The following RIN3 variants were observed in gnomAD, a reference collection of about 807,000 sequenced individuals.
RIN3 encodes the protein RAB5 interacting protein 3.
A neutral mutation model predicts 76.3 loss-of-function variants in RIN3; 54 were observed. The observed-to-expected ratio is 0.71, with a 90% CI of 0.57 to 0.89. RIN3 has a LOEUF of 0.89. RIN3 is among the 40% of genes least tolerant of loss of function. RIN3 has a pLI of 0.00. For missense variants in RIN3, 1,256 were observed against 1,322.1 expected, an observed-to-expected ratio of 0.95 and a Z score of 0.78; for synonymous variants, 576 against 564.0, an observed-to-expected ratio of 1.02 and a Z score of -0.30.
rs145461449 is a variant in RIN3 at position 92,631,465 on chromosome 14, C to T, written c.441-9773C>T. On this transcript the variant is annotated intron_variant, in intron 4 of 9. Transcript: ENST00000216487. ...CTAATGCAAAGCCTAGGTGGACTGG[C>T]GTAAGGGCTCTAGAGAGGGTTTCCA... 9.5e-4 allele frequency among the ~76,000 whole-genome samples: 144 copies of T among 152,276 alleles called. 3 individuals are homozygous for T. In the East Asian group the frequency reaches 0.022, roughly 24 times the overall value.
chr14:92,676,879 G>A (rs904196294), intron 8 of RIN3, among the ~76,000 whole-genome samples: 13 of 152,140 alleles, frequency 8.5e-5, no homozygotes, highest in Admixed American at 7.9e-4. Context: ...ATGTTACCCA[G>A]ACTGTGCAGT....
chr14:92,660,229 G>A (rs944464119), intron 7 of RIN3, among the ~76,000 whole-genome samples: 3 of 152,244 alleles, frequency 2.0e-5, no homozygotes, highest in African/African-American at 2.4e-5. Flanking sequence ...TGGATCAGGC[G>A]TGCCTGAGCT....
intron 4 of RIN3, among the ~76,000 whole-genome samples, chr14:92,625,609 T>G (rs1318013530): frequency 6.6e-6 from 1 of 152,204 alleles, no homozygotes; most frequent in Non-Finnish European, 1.5e-5. Context: ...AGTGGCCTGC[T>G]CTTCCATATT....
intron 2 of RIN3, among the ~76,000 whole-genome samples, chr14:92,570,745 A>G (rs1351588277): frequency 6.6e-6 from 1 of 152,080 alleles, no homozygotes; most frequent in Admixed American, 6.5e-5. Flanking sequence ...GCCACCTGGG[A>G]GACACCGACT....
chr14:92,528,665 C>T (rs1278930890), intron 1 of RIN3, among the ~76,000 whole-genome samples: 3 of 152,210 alleles, frequency 2.0e-5, no homozygotes, highest in Non-Finnish European at 4.4e-5. Flanking sequence ...GAGACCTCTC[C>T]GATCATTGCT....
chr14:92,633,661 T>C (rs986490736), intron 4 of RIN3, among the ~76,000 whole-genome samples: 2 of 152,216 alleles, frequency 1.3e-5, no homozygotes, highest in African/African-American at 4.8e-5. Context: ...TGAGCTGAAT[T>C]GTTGTATACC....
chr14:92,515,977 G>A (rs1896430951), intron 1 of RIN3, among the ~76,000 whole-genome samples: 1 of 152,162 alleles, frequency 6.6e-6, no homozygotes, highest in Admixed American at 6.5e-5. Flanking sequence ...AGGGTCCAGT[G>A]CATCAGGGAC....
At chr14:92,664,399 ACT>A (rs1223359376) in intron 7 of RIN3, among the ~76,000 whole-genome samples, 2 of 112,874 alleles carry the variant, frequency 1.8e-5, no homozygotes, top group Admixed American at 1.4e-4. Context: ...ATGGAGTCTC[ACT>A]CTGTCGCCCA....
intron 4 of RIN3, among the ~76,000 whole-genome samples, chr14:92,632,296 T>C (rs55968353): frequency 0.47 from 71,248 of 151,926 alleles, 17,176 homozygotes; most frequent in African/African-American, 0.55. Context: ...AGCAGTGATT[T>C]CGTGACTGGC....
intron 3 of RIN3, among the ~76,000 whole-genome samples, chr14:92,591,775 GAACA>G (rs141348674): frequency 0.038 from 5,819 of 152,030 alleles, 306 homozygotes; most frequent in African/African-American, 0.12. Flanking sequence ...AGACTTTCTC[GAACA>G]AACAAACAGT....
chr14:92,616,830 A>T (rs1885987217), intron 4 of RIN3, among the ~76,000 whole-genome samples: 1 of 152,224 alleles, frequency 6.6e-6, no homozygotes, highest in African/African-American at 2.4e-5. Flanking sequence ...GTGGATACCT[A>T]TGCTGTCAAG....
rs1278963355 is a variant in RIN3 at position 92,605,631 on chromosome 14, G to C, written c.368-9776G>C. Among the ~76,000 whole-genome samples the C allele has an allele frequency of 3.3e-5, 5 of 152,336 alleles. No homozygotes were observed. The East Asian group carries it at 9.6e-4, about 29-fold the overall frequency. On this transcript the variant is annotated intron_variant, in intron 3 of 9. Coordinates refer to ENST00000216487, the MANE Select transcript of RIN3 (RefSeq NM_024832.5). ...TGTGTCAATAGACATTCTTTCCCTA[G>C]AGTCAGTGTGATGAAGGATAAGTTT...
At chr14:92,563,957 A>T (rs1897850286) in intron 2 of RIN3, among the ~76,000 whole-genome samples, 1 of 152,202 alleles carries the variant, frequency 6.6e-6, no homozygotes, top group Non-Finnish European at 1.5e-5. Flanking sequence ...AGGACTGAGG[A>T]TATGAGGACC....
chr14:92,516,316 G>GC (rs1896440857), intron 1 of RIN3, among the ~76,000 whole-genome samples: 1 of 152,134 alleles, frequency 6.6e-6, no homozygotes, highest in Non-Finnish European at 1.5e-5. Flanking sequence ...CTGAGCCTTG[G>GC]CCTGATCTAA....
At chr14:92,557,486 G>C (rs570294303) in intron 2 of RIN3, among the ~76,000 whole-genome samples, 2 of 152,354 alleles carry the variant, frequency 1.3e-5, no homozygotes, top group African/African-American at 4.8e-5. Flanking sequence ...GAAGAGTCCA[G>C]ACGTATAAGT....
chr14:92,678,964 G>T (rs913818252), intron 8 of RIN3, among the ~76,000 whole-genome samples: 4 of 152,210 alleles, frequency 2.6e-5, no homozygotes, highest in African/African-American at 9.6e-5. Context: ...TGGGCCAGCA[G>T]CCCTCTCCTA....
chr14:92,687,598 A>C, intron 9 of RIN3: 1 of 339,454 alleles, frequency 2.9e-6, no homozygotes, highest in Non-Finnish European at 5.4e-6. Flanking sequence ...ACTCACCTGG[A>C]GGGAGGGAGG....
chr14:92,545,935 T>TCTTTG (rs56166336), intron 1 of RIN3, among the ~76,000 whole-genome samples: 56,513 of 111,766 alleles, frequency 0.51, 10,848 homozygotes, highest in East Asian at 0.7. Flanking sequence ...CTTTTCTTTG[T>TCTTTG]TTTTTTTTGA....
chr14:92,668,824 A>T (rs1203236989), intron 7 of RIN3, among the ~76,000 whole-genome samples: 1 of 152,196 alleles, frequency 6.6e-6, no homozygotes, highest in Admixed American at 6.5e-5. Flanking sequence ...CTGCTGCCCC[A>T]CCCTGAGTCA....
Sources: gnomAD v4.1 joint callset for allele counts (sites outside exome capture counted in the v4.1 genomes callset) on GRCh38, gnomAD v4.1.1 for gene constraint, MANE v1.5 for transcripts, NCBI Gene and HGNC (gene_info 2026-07-23, HGNC 2026-07-21) for gene names.